The following RYR3 variants were observed in gnomAD, a reference collection of about 807,000 sequenced individuals.
The protein encoded by RYR3 is brain ryanodine receptor-calcium release channel.
RYR3 carries 207 observed loss-of-function variants against 584.3 expected under a neutral mutation model. The observed-to-expected ratio is 0.35, with a 90% confidence interval of 0.32 to 0.40. RYR3 has a LOEUF of 0.40. RYR3 is among the 10% of genes least tolerant of loss of function. The pLI is 1.00. For synonymous variants in RYR3, 2,416 were observed against 2,248.5 expected, an observed-to-expected ratio of 1.07 and a Z score of -2.11; for missense variants, 5,616 against 6,089.2, an observed-to-expected ratio of 0.92 and a Z score of 2.59.
intron 38 of RYR3, among the ~76,000 whole-genome samples, chr15:33,687,282 C>CAG (rs1408151908): frequency 1.3e-5 from 2 of 151,508 alleles, no homozygotes; most frequent in East Asian, 3.9e-4. Flanking sequence ...AACAGACAAA[C>CAG]AGCCAAATCA....
In RYR3 at chr15:33,566,666, C is replaced by T. The variant is rs373231696; in HGVS notation, c.1147-12C>T. The T allele has an allele frequency of 3.1e-6, 5 of 1,613,334 alleles. No homozygotes were observed. Among genetic ancestry groups the T allele is most frequent in the Non-Finnish European group, 3.4e-6 (4 of 1,179,454 alleles). ...TGTAACCTAGAGCTCCCGTCCCTTG[C>T]CCTGTGGGTAGGTCATACTCCATCA... On this transcript the variant is annotated splice_polypyrimidine_tract_variant and intron_variant, in intron 11 of 103. Coordinates refer to ENST00000634891, the MANE Select transcript of RYR3 (RefSeq NM_001036.6).
At chr15:33,724,218 T>C (rs16957866) in intron 45 of RYR3, 42 bp downstream of exon 45, 30,426 of 1,082,686 alleles carry the variant, frequency 0.028, 619 homozygotes, top group East Asian at 0.088. Context: ...GAGAAACCTA[T>C]GCCAAGAACA....
intron 85 of RYR3, among the ~76,000 whole-genome samples, chr15:33,829,178 A>T (rs1401759719): frequency 6.6e-6 from 1 of 152,172 alleles, no homozygotes; most frequent in Non-Finnish European, 1.5e-5. Flanking sequence ...GAAAAAAAAA[A>T]AGATTCCTTT....
At chr15:33,466,655 TTAA>T (rs1459967838) in intron 1 of RYR3, among the ~76,000 whole-genome samples, 3 of 152,214 alleles carry the variant, frequency 2.0e-5, no homozygotes, top group Admixed American at 6.5e-5. Context: ...CAAAATGAGA[TTAA>T]TAATATTTCT....
intron 1 of RYR3, among the ~76,000 whole-genome samples, chr15:33,459,087 C>T (rs1258931434): frequency 6.6e-6 from 1 of 152,200 alleles, no homozygotes; most frequent in African/African-American, 2.4e-5. Context: ...CTTCAATACC[C>T]GGCCCAGCAT....
chr15:33,449,321 C>G (rs541861032), intron 1 of RYR3, among the ~76,000 whole-genome samples: 4 of 152,280 alleles, frequency 2.6e-5, no homozygotes, highest in African/African-American at 9.6e-5. Context: ...CACATGACCC[C>G]CTCCGTAAGG....
chr15:33,634,684 C>A lies in RYR3; in HGVS notation c.3126C>A (p.Arg1042=), dbSNP rs945915990. ...GGGACAGCCTGCGGGAAGCTGTGCGCACTTTTGTTGGTTACGGGTATAACA... is the reference window on the plus strand; with the variant it reads ...GGGACAGCCTGCGGGAAGCTGTGCGAACTTTTGTTGGTTACGGGTATAACA... ...SNRDSLREAV[R]TFVGYGYNIE... Residue 1042 remains arginine (R), a synonymous_variant, in exon 25 of 104, where the codon CGC becomes CGA. Coordinates refer to ENST00000634891, the MANE Select transcript of RYR3 (RefSeq NM_001036.6). The A allele has an allele frequency of 6.2e-7, 1 of 1,613,924 alleles. No individual in the cohort carries two copies. Among genetic ancestry groups the A allele is most frequent in the Non-Finnish European group, 8.5e-7 (1 of 1,179,858 alleles).
chr15:33,687,508 G>A lies in RYR3; in HGVS notation c.5861-8710G>A, dbSNP rs1320436343. The stretch of plus-strand genomic sequence containing the variant: ...ACTGCCCAAGGTAATTTGTAGATTC[G>A]ATGCCATCCCCATCAAGCTACCAAT... On this transcript the variant is annotated intron_variant, in intron 38 of 103. Transcript: ENST00000634891. Among the ~76,000 whole-genome samples, 29 of 152,168 alleles carry A rather than the reference G, an allele frequency of 1.9e-4. 1 individual carries two copies. Among genetic ancestry groups the A allele is most frequent in the Middle Eastern group, 3.4e-3 (1 of 294 alleles).
At position 33,722,698 on chromosome 15, in the gene RYR3, G is replaced by A; in HGVS notation, c.6620-17G>A. 6.2e-7 allele frequency: 1 copy of A among 1,606,852 alleles called. No individual in the cohort carries two copies. Among genetic ancestry groups the A allele is most frequent in the South Asian group, 1.1e-5 (1 of 90,612 alleles). Reference sequence around the variant, plus strand: ...TGTCCTTTTCATTGAGAAGGAAACAGTGCCTGTCTTCCTCAGGTGAGAGTG... The same window carrying A: ...TGTCCTTTTCATTGAGAAGGAAACAATGCCTGTCTTCCTCAGGTGAGAGTG... On this transcript the variant is annotated splice_polypyrimidine_tract_variant and intron_variant, in intron 43 of 103. Transcript: ENST00000634891.
At chr15:33,388,482 A>G (rs1422331347) in intron 1 of RYR3, among the ~76,000 whole-genome samples, 4 of 152,182 alleles carry the variant, frequency 2.6e-5, no homozygotes, top group African/African-American at 9.6e-5. Flanking sequence ...GAGAGTAGGG[A>G]TTAGTGAGGA....
At position 33,482,876 on chromosome 15, in the gene RYR3, A is replaced by G. The variant is rs867487524; in HGVS notation, c.171+9338A>G. Reference sequence around the variant, plus strand: ...TATTTCTTAAAATATTTTATGTGCCATATTTACTCTCTCCTGGGACTCCAA... The same window carrying G: ...TATTTCTTAAAATATTTTATGTGCCGTATTTACTCTCTCCTGGGACTCCAA... On this transcript the variant is annotated intron_variant, in intron 2 of 103. Transcript: ENST00000634891. 2.6e-5 allele frequency among the ~76,000 whole-genome samples: 4 copies of G among 152,104 alleles called. No homozygotes were observed. In the East Asian group the frequency reaches 7.7e-4, roughly 29 times the overall value.
At chr15:33,329,327 C>T (rs921286312) in intron 1 of RYR3, among the ~76,000 whole-genome samples, 4 of 151,974 alleles carry the variant, frequency 2.6e-5, no homozygotes, top group Non-Finnish European at 4.4e-5. Context: ...TTTCATGTCC[C>T]CAGAGAAGTC....
At chr15:33,513,568 G>A (rs2053227796) in intron 3 of RYR3, among the ~76,000 whole-genome samples, 1 of 152,250 alleles carries the variant, frequency 6.6e-6, no homozygotes, top group Admixed American at 6.5e-5. Flanking sequence ...TAAGACGAAA[G>A]CTGAAGGCAG....
chr15:33,716,083 T>C (rs999687627), intron 43 of RYR3, among the ~76,000 whole-genome samples: 2 of 152,164 alleles, frequency 1.3e-5, no homozygotes, highest in African/African-American at 4.8e-5. Context: ...TTCCTCCCAC[T>C]CTTTCTCTCG....
intron 5 of RYR3, among the ~76,000 whole-genome samples, chr15:33,535,139 G>A (rs2055215507): frequency 6.6e-6 from 1 of 152,218 alleles, no homozygotes; most frequent in Non-Finnish European, 1.5e-5. Context: ...CCTTAAATAG[G>A]AAGAGGGTTC....
intron 3 of RYR3, among the ~76,000 whole-genome samples, chr15:33,510,518 G>A (rs2052885665): frequency 6.6e-6 from 1 of 151,962 alleles, no homozygotes; most frequent in Admixed American, 6.6e-5. Context: ...CTTCTTTGCT[G>A]TGGACAAGGA....
intron 1 of RYR3, among the ~76,000 whole-genome samples, chr15:33,433,137 T>C (rs28560228): frequency 0.021 from 3,182 of 152,284 alleles, 58 homozygotes; most frequent in Non-Finnish European, 0.027. Context: ...CATAGAGATG[T>C]ATTTTATGCT....
chr15:33,858,378 A>AT (rs910813689), intron 99 of RYR3, among the ~76,000 whole-genome samples: 20 of 151,454 alleles, frequency 1.3e-4, no homozygotes, highest in African/African-American at 2.9e-4. Flanking sequence ...CTAATTTTGT[A>AT]TTTTTTTTAG....
chr15:33,765,205 TGAGAA>T (rs1302188895), intron 60 of RYR3, among the ~76,000 whole-genome samples: 3 of 151,946 alleles, frequency 2.0e-5, no homozygotes, highest in African/African-American at 7.3e-5. Context: ...TTAACAGAAA[TGAGAA>T]AAGAGGGGAT....
Sources: allele counts gnomAD v4.1 joint callset (sites outside exome capture counted in the v4.1 genomes callset), GRCh38; gene constraint gnomAD v4.1.1; transcripts MANE v1.5; gene names NCBI Gene and HGNC (gene_info 2026-07-23, HGNC 2026-07-21).